FUT9: variants seen among roughly 807,000 people sequenced by gnomAD.
FUT9 encodes the protein 4-galactosyl-N-acetylglucosaminide 3-alpha-L-fucosyltransferase 9.
A neutral mutation model predicts 29.7 loss-of-function variants in FUT9; 15 were observed. The ratio of observed to expected loss-of-function variants is 0.51; its 90% CI spans 0.34 to 0.78. The LOEUF is 0.78. FUT9 is among the 30% of genes least tolerant of loss of function. The pLI is 0.01. For synonymous variants in FUT9, 169 were observed against 153.7 expected, an observed-to-expected ratio of 1.10 and a Z score of -0.74; for missense variants, 319 against 425.4, an observed-to-expected ratio of 0.75 and a Z score of 2.20.
chr6:96,086,109 G>A (rs1771311988), intron 1 of FUT9, among the ~76,000 whole-genome samples: 1 of 152,106 alleles, frequency 6.6e-6, no homozygotes, highest in African/African-American at 2.4e-5. Flanking sequence ...GTAAACCAAG[G>A]CATAGAGTAC....
intron 2 of FUT9, among the ~76,000 whole-genome samples, chr6:96,200,697 A>T (rs1773712349): frequency 6.6e-6 from 1 of 152,136 alleles, no homozygotes; most frequent in South Asian, 2.1e-4. Flanking sequence ...AACATTAAAC[A>T]TTGGTCTCAC....
intron 2 of FUT9, among the ~76,000 whole-genome samples, chr6:96,117,203 A>G (rs1159540860): frequency 6.6e-6 from 1 of 152,200 alleles, no homozygotes; most frequent in East Asian, 1.9e-4. Context: ...GCAGGTTAGC[A>G]ATTATGAAAG....
chr6:96,043,260 C>G (rs1770499457), intron 1 of FUT9, among the ~76,000 whole-genome samples: 1 of 151,238 alleles, frequency 6.6e-6, no homozygotes, highest in Non-Finnish European at 1.5e-5. Context: ...ACCGTGTTAG[C>G]CAGGATGGTC....
At chr6:96,055,327 A>T (rs1044342251) in intron 1 of FUT9, among the ~76,000 whole-genome samples, 1 of 151,604 alleles carries the variant, frequency 6.6e-6, no homozygotes, top group African/African-American at 2.4e-5. Context: ...TTTAATTTTT[A>T]TTTGACCCAA....
At chr6:96,050,376 C>T (rs563740955) in intron 1 of FUT9, among the ~76,000 whole-genome samples, 1 of 152,266 alleles carries the variant, frequency 6.6e-6, no homozygotes, top group Non-Finnish European at 1.5e-5. Flanking sequence ...TACCATCATT[C>T]CATTTAATTA....
chr6:96,033,376 T>C (rs913201596), intron 1 of FUT9, among the ~76,000 whole-genome samples: 8 of 151,602 alleles, frequency 5.3e-5, no homozygotes, highest in African/African-American at 1.9e-4. Flanking sequence ...TGTACTTCTA[T>C]TGAATAGAAG....
In FUT9 at chr6:96,051,263, AT is replaced by A. The variant is rs538047195; in HGVS notation, c.-98+35056del. ...CACTAGATTATCATGTCTCTTTTTC[AT>A]TTTTACCCTATGAAATAGTAATAAA... On this transcript the variant is annotated intron_variant, in intron 1 of 2. Coordinates refer to ENST00000302103, the MANE Select transcript of FUT9 (RefSeq NM_006581.4). Among the ~76,000 whole-genome samples, 725 of 152,132 alleles carry A rather than the reference AT, an allele frequency of 4.8e-3. 5 individuals carry two copies. Among genetic ancestry groups the A allele is most frequent in the African/African-American group, 0.017 (692 of 41,472 alleles).
At chr6:96,113,593 C>T (rs1771851591) in intron 1 of FUT9, among the ~76,000 whole-genome samples, 1 of 151,600 alleles carries the variant, frequency 6.6e-6, no homozygotes, top group African/African-American at 2.4e-5. Flanking sequence ...CGGTGGCTCA[C>T]GCCTGTAATC....
At chr6:96,159,937 A>G (rs915240313) in intron 2 of FUT9, among the ~76,000 whole-genome samples, 2 of 152,188 alleles carry the variant, frequency 1.3e-5, no homozygotes, top group African/African-American at 4.8e-5. Flanking sequence ...TCTACTTTAT[A>G]TTCATTGATT....
intron 2 of FUT9, among the ~76,000 whole-genome samples, chr6:96,180,538 T>C (rs372586082): frequency 3.2e-3 from 484 of 152,182 alleles, no homozygotes; most frequent in African/African-American, 0.011. Flanking sequence ...CATATAATAA[T>C]GTACATATTT....
chr6:96,127,950 T>A (rs1439846518), intron 2 of FUT9, among the ~76,000 whole-genome samples: 1 of 152,098 alleles, frequency 6.6e-6, no homozygotes, highest in African/African-American at 2.4e-5. Context: ...AAATACTTTT[T>A]AAATATTTTT....
At chr6:96,178,899 T>C (rs1389216301) in intron 2 of FUT9, among the ~76,000 whole-genome samples, 1 of 152,020 alleles carries the variant, frequency 6.6e-6, no homozygotes, top group Non-Finnish European at 1.5e-5. Flanking sequence ...TAAAATCACA[T>C]GGTGAAAAAA....
At chr6:96,044,711 C>T (rs1770527749) in intron 1 of FUT9, among the ~76,000 whole-genome samples, 1 of 152,092 alleles carries the variant, frequency 6.6e-6, no homozygotes, top group Non-Finnish European at 1.5e-5. Context: ...GTGCTGTCTT[C>T]ATAATAAAAA....
intron 1 of FUT9, among the ~76,000 whole-genome samples, chr6:96,099,469 G>A (rs11156189): frequency 0.17 from 25,996 of 151,758 alleles, 2,438 homozygotes; most frequent in Non-Finnish European, 0.19. Flanking sequence ...TTTTTAAAAG[G>A]TCAGAAACAG....
intron 1 of FUT9, among the ~76,000 whole-genome samples, chr6:96,084,025 C>A (rs76666243): frequency 7.2e-5 from 11 of 152,036 alleles, no homozygotes; most frequent in Admixed American, 5.9e-4. Context: ...AGGTCTTAAC[C>A]TTTCAGAATG....
At chr6:96,168,390 G>A (rs1172024245) in intron 2 of FUT9, among the ~76,000 whole-genome samples, 1 of 152,140 alleles carries the variant, frequency 6.6e-6, no homozygotes, top group Non-Finnish European at 1.5e-5. Flanking sequence ...AAAGAAGAAT[G>A]GGAGTTACCA....
In FUT9 at chr6:96,211,642, A is replaced by G. The variant is rs1773939124; in HGVS notation, c.*7407A>G. The G allele has an allele frequency of 6.0e-6, 1 of 167,354 alleles. No homozygotes were observed. The highest frequency in any genetic ancestry group is 2.4e-5 in the African/African-American group (1 of 41,474). 10.4% of individuals were successfully genotyped at this position (167,354 alleles called of 1,614,324 possible). A position where few individuals can be genotyped will look rare whatever the true frequency, so the allele number is the denominator to read the frequency against. On this transcript the variant is annotated 3_prime_UTR_variant, in exon 3 of 3. Transcript: ENST00000302103. ...TAGCCAGCCTGTGATTAAGGCTACC[A>G]TAATTGCATAATAAATAGCTTTGAC... is the stretch of plus-strand genomic sequence containing the variant.
chr6:96,099,074 A>C (rs1443108490), intron 1 of FUT9, among the ~76,000 whole-genome samples: 1 of 152,176 alleles, frequency 6.6e-6, no homozygotes, highest in Non-Finnish European at 1.5e-5. Context: ...TATGTGTAAT[A>C]GTTAATAAAT....
Position 96,212,504 on chromosome 6 carries a change from C to A in FUT9, c.*8269C>A. The A allele has an allele frequency of 2.5e-6, 1 of 407,762 alleles. No individual in the cohort carries two copies. The highest frequency in any genetic ancestry group is 4.5e-6 in the Non-Finnish European group (1 of 222,758). The allele number at this position is 407,762 out of a possible 1,614,324, so 25.3% of individuals were successfully genotyped here. On this transcript the variant is annotated 3_prime_UTR_variant, in exon 3 of 3. Coordinates refer to ENST00000302103, the MANE Select transcript of FUT9 (RefSeq NM_006581.4). Reference sequence around the variant, plus strand: ...TAATTAATCAAAAAACAAAGACTATCATATTTGAGAACAAGATTTTACTTA... The same window carrying A: ...TAATTAATCAAAAAACAAAGACTATAATATTTGAGAACAAGATTTTACTTA...
Sources: allele counts gnomAD v4.1 joint callset (sites outside exome capture counted in the v4.1 genomes callset), GRCh38; gene constraint gnomAD v4.1.1; transcripts MANE v1.5; gene names NCBI Gene and HGNC (gene_info 2026-07-23, HGNC 2026-07-21).